Variants in GRIP2 observed in about 807,000 individuals in gnomAD.
GRIP2 encodes glutamate receptor interacting protein 2.
GRIP2 carries 58 observed loss-of-function variants against 108.3 expected under a neutral mutation model. That is an observed-to-expected ratio of 0.54 (90% confidence interval 0.43 to 0.67). GRIP2 has a LOEUF of 0.67. GRIP2 is among the 30% of genes least tolerant of loss of function. GRIP2 has a pLI of 0.00. For missense variants in GRIP2, 1,278 were observed against 1,430.6 expected (o/e 0.89, Z 1.72); for synonymous variants, 586 against 598.2 (o/e 0.98, Z 0.30).
chr3:14,573,377 C>A, the GRIP2 span: 1 of 1,331,378 alleles, frequency 7.5e-7, no homozygotes. Flanking sequence ...CCAGGTCCCG[C>A]GGGATGGTCA....
At chr3:14,526,399 G>A (rs1436192757) in intron 1 of GRIP2, among the ~76,000 whole-genome samples, 11 of 152,116 alleles carry the variant, frequency 7.2e-5, no homozygotes, top group Non-Finnish European at 1.0e-4. Context: ...TCTCTCAAAC[G>A]CAGGCACAGC....
In GRIP2 at chr3:14,506,883, G is replaced by A. The variant is rs1693945297; in HGVS notation, c.2316C>T (p.Arg772=). ...CCACACTGGGCACAGCCGGCGAGAA[G>A]CGGGCTGCTGGCAGGCCTCCTTTCA... ...DALKGGLPAA[R]FSPAVPSVDS... The change falls in exon 19 of 24, where the codon CGC becomes CGT. Residue 772 remains arginine, a synonymous_variant. Transcript: ENST00000621039. 1 of 1,606,824 alleles carries A rather than the reference G, an allele frequency of 6.2e-7. No individual in the cohort carries two copies. Among genetic ancestry groups the A allele is most frequent in the African/African-American group, 1.3e-5 (1 of 74,910 alleles).
intron 1 of GRIP2, chr3:14,555,889 C>G (rs899125298): frequency 4.0e-5 from 16 of 399,390 alleles, no homozygotes; most frequent in African/African-American, 2.7e-4. Context: ...TCCACCCAGA[C>G]TCACCGGCAC....
chr3:14,570,939 G>A, the GRIP2 span, among the ~76,000 whole-genome samples: 3 of 152,202 alleles, frequency 2.0e-5, no homozygotes, highest in Non-Finnish European at 2.9e-5. Flanking sequence ...ACCTCAGGCA[G>A]TATTGACATT....
chr3:14,521,588 C>T lies in GRIP2; in HGVS notation c.712+54G>A, dbSNP rs1028425228. On this transcript the variant is annotated intron_variant, in intron 7 of 23. Coordinates refer to ENST00000621039, the MANE Select transcript of GRIP2 (RefSeq NM_001080423.4). The surrounding 1 kb of genome is among the most constrained non-coding windows in gnomAD (Gnocchi z 5.1). ...AAGATCCATGGCCACTGCCACCTCC[C>T]CCCATCCCAGGCCTCCTCCTGCCCC... 3.3e-6 allele frequency: 5 copies of T among 1,529,856 alleles called. No individual in the cohort carries two copies. In the Admixed American group the frequency reaches 9.9e-5, roughly 30 times the overall value. The allele number at this position is 1,529,856 out of a possible 1,614,324, so 94.8% of individuals were successfully genotyped here.
chr3:14,511,530 G>A lies in GRIP2; in HGVS notation c.1721-51C>T. 6.3e-7 allele frequency: 1 copy of A among 1,583,428 alleles called. No individual in the cohort carries two copies. Among genetic ancestry groups the A allele is most frequent in the Non-Finnish European group, 8.6e-7 (1 of 1,156,878 alleles). ...GACCTTGGTGGCCTCAGCCTGGGGT[G>A]GGGTGGCGAAGCCCAGGGGTCTGAG... On this transcript the variant is annotated intron_variant, in intron 14 of 23. Coordinates refer to ENST00000621039, the MANE Select transcript of GRIP2 (RefSeq NM_001080423.4). This position sits in a 1 kb window ranked among gnomAD's most constrained non-coding sequence, Gnocchi z 4.1.
At chr3:14,554,126 A>G (rs975378654) in intron 1 of GRIP2, among the ~76,000 whole-genome samples, 2 of 152,166 alleles carry the variant, frequency 1.3e-5, no homozygotes, top group Admixed American at 6.5e-5. Flanking sequence ...AACTTCCTCA[A>G]TCGGCACTGC....
In GRIP2 at chr3:14,532,605, A is replaced by T. The variant is rs540719822; in HGVS notation, c.41-6674T>A. 2.2e-3 allele frequency among the ~76,000 whole-genome samples: 334 copies of T among 151,682 alleles called. 4 individuals are homozygous for T. The highest frequency in any genetic ancestry group is 7.9e-3 in the African/African-American group (325 of 41,348). The stretch of plus-strand genomic sequence containing the variant: ...ACCATATCGCCCCCAACAGAGAACC[A>T]TTGCTCTATAGTCAGGAGGGGACTC... On this transcript the variant is annotated intron_variant, in intron 1 of 23. Transcript: ENST00000621039.
chr3:14,572,876 C>T, the GRIP2 span: 4 of 1,231,436 alleles, frequency 3.2e-6, no homozygotes, highest in Non-Finnish European at 4.8e-6. Flanking sequence ...CCAGTTCGTA[C>T]TTCTCGCAGA....
At chr3:14,525,241 G>C (rs776853975) in intron 3 of GRIP2, among the ~76,000 whole-genome samples, 196 bp downstream of exon 3, 1 of 152,182 alleles carries the variant, frequency 6.6e-6, no homozygotes, top group Admixed American at 6.5e-5. Flanking sequence ...TGGTGTAAAA[G>C]AAAAGAGAAG....
In GRIP2 at chr3:14,514,460, GT is replaced by G; in HGVS notation, c.1324del (p.Thr442ArgfsTer117). On this transcript the variant is annotated frameshift_variant, in exon 12 of 24. Transcript: ENST00000621039. LOFTEE classifies it high-confidence loss of function. ...CACAATCTGCCCGCCCGGCCCCACC[GT>G]GCTGGAGGCTAGCGACACTGTAGGA... ...HKSSLSLASS[T>X]VGPGGQIVHT... 1 of 1,575,620 alleles carries G rather than the reference GT, an allele frequency of 6.3e-7. No homozygotes were observed. Among genetic ancestry groups the G allele is most frequent in the Non-Finnish European group, 8.6e-7 (1 of 1,162,044 alleles).
chr3:14,580,216 C>T, the GRIP2 span, among the ~76,000 whole-genome samples: 1 of 152,230 alleles, frequency 6.6e-6, no homozygotes, highest in African/African-American at 2.4e-5. Context: ...CCACACCGTG[C>T]CAAGTCCTGG....
the GRIP2 span, chr3:14,573,769 G>C: frequency 6.5e-7 from 1 of 1,542,966 alleles, no homozygotes. Flanking sequence ...CTGGGATCCT[G>C]GTGGCAGACA....
Position 14,522,928 on chromosome 3 carries a change from C to T in GRIP2, c.566+72G>A, listed in dbSNP as rs1368161109. The T allele has an allele frequency of 7.8e-7, 1 of 1,284,802 alleles. No individual in the cohort carries two copies. The highest frequency in any genetic ancestry group is 1.1e-6 in the Non-Finnish European group (1 of 880,674). 79.6% of individuals were successfully genotyped at this position (1,284,802 alleles called of 1,614,324 possible). ...CATCTGGGGAAGGGGCATGGTGACCCCACTCCACCTTCTTCGCAGGGGAGT... is the reference window on the plus strand; with the variant it reads ...CATCTGGGGAAGGGGCATGGTGACCTCACTCCACCTTCTTCGCAGGGGAGT... On this transcript the variant is annotated intron_variant, in intron 6 of 23. Coordinates refer to ENST00000621039, the MANE Select transcript of GRIP2 (RefSeq NM_001080423.4). This position sits in a 1 kb window ranked among gnomAD's most constrained non-coding sequence, Gnocchi z 4.3.
In GRIP2 at chr3:14,496,569, A is replaced by G; in HGVS notation, c.2680-9T>C. On this transcript the variant is annotated splice_polypyrimidine_tract_variant and intron_variant, in intron 21 of 23. Transcript: ENST00000621039. ...CCCGTCATGATGGATGCCTGCAAGG[A>G]ACACGGCCTTTCTTTCAGATGCTTG... 6.3e-7 allele frequency: 1 copy of G among 1,592,494 alleles called. No homozygotes were observed. Among genetic ancestry groups the G allele is most frequent in the Non-Finnish European group, 8.6e-7 (1 of 1,165,132 alleles).
At chr3:14,515,206 T>G (rs941175291) in intron 11 of GRIP2, among the ~76,000 whole-genome samples, 1 of 152,252 alleles carries the variant, frequency 6.6e-6, no homozygotes, top group African/African-American at 2.4e-5. Flanking sequence ...TTCCATTGTA[T>G]GGATACACCA....
intron 20 of GRIP2, chr3:14,503,972 G>A (rs1238638600): frequency 2.4e-6 from 1 of 414,988 alleles, no homozygotes; most frequent in African/African-American, 2.0e-5. Flanking sequence ...AGAGACAGAG[G>A]ACAAACAGAC....
At chr3:14,589,955 G>A in the GRIP2 span, among the ~76,000 whole-genome samples, 1 of 151,724 alleles carries the variant, frequency 6.6e-6, no homozygotes, top group Non-Finnish European at 1.5e-5. Flanking sequence ...ATCACACCTG[G>A]CCACTTTTTG....
rs1693964740 is a variant in GRIP2 at position 14,507,547 on chromosome 3, G to A, written c.2218+14C>T. On this transcript the variant is annotated intron_variant, in intron 18 of 23. Coordinates refer to ENST00000621039, the MANE Select transcript of GRIP2 (RefSeq NM_001080423.4). The surrounding 1 kb of genome is among the most constrained non-coding windows in gnomAD (Gnocchi z 4.6). ...ACCTGCTGGGTGGCTCCCAGGGGATGAAGCGAATCTCACGGTCTAGTTGCT... is the reference window on the plus strand; with the variant it reads ...ACCTGCTGGGTGGCTCCCAGGGGATAAAGCGAATCTCACGGTCTAGTTGCT... The A allele has an allele frequency of 1.2e-6, 2 of 1,610,512 alleles. No homozygotes were observed. Among genetic ancestry groups the A allele is most frequent in the African/African-American group, 2.7e-5 (2 of 74,892 alleles).
Sources: gnomAD v4.1 joint callset for allele counts (sites outside exome capture counted in the v4.1 genomes callset) on GRCh38, gnomAD v4.1.1 for gene constraint, Gnocchi (gnomAD v3.1) non-coding constraint, MANE v1.5 for transcripts, NCBI Gene and HGNC (gene_info 2026-07-23, HGNC 2026-07-21) for gene names.